ATRNL1: variants seen among roughly 807,000 people sequenced by gnomAD.
ATRNL1 encodes attractin-like protein 1.
Under a neutral mutation model 182.7 loss-of-function variants are expected in ATRNL1, and 95 were observed. That is an observed-to-expected ratio of 0.52 (90% CI 0.44 to 0.62). The LOEUF (loss-of-function observed/expected upper bound fraction) is 0.62. ATRNL1 is among the 20% of genes least tolerant of loss of function. The probability of loss-of-function intolerance (pLI) is 0.00; values close to 1 mark genes in which losing one functional copy is unlikely to be tolerated. For missense variants in ATRNL1, 1,471 were observed against 1,679.5 expected, an observed-to-expected ratio of 0.88 and a Z score of 2.17; for synonymous variants, 576 against 568.3, an observed-to-expected ratio of 1.01 and a Z score of -0.19.
At position 115,847,880 on chromosome 10, in the gene ATRNL1, G is replaced by C. The variant is rs782711043; in HGVS notation, c.3907G>C (p.Ala1303Pro). 1 of 1,595,190 alleles carries C rather than the reference G, an allele frequency of 6.3e-7. No homozygotes were observed. The highest frequency in any genetic ancestry group is 8.6e-7 in the Non-Finnish European group (1 of 1,163,484). ...TAAAGTGGGTTTTCTTTTTCAGGGG[G>C]CACCCAAGCCAATTGCCATTGAACC... ...TEFLRGPLEG[A>P]PKPIAIEPCA... The change falls in exon 28 of 29, where the codon GCA becomes CCA. Residue 1303 changes from alanine (A) to proline (P), a missense_variant. This residue lies in a region of ATRNL1 where 437 missense variants were observed against 506.0 expected (regional missense o/e 0.86). Transcript: ENST00000355044.
intron 26 of ATRNL1, among the ~76,000 whole-genome samples, chr10:115,689,310 A>G (rs370790981): frequency 6.6e-6 from 1 of 152,074 alleles, no homozygotes; most frequent in Non-Finnish European, 1.5e-5. Flanking sequence ...CTTGAGATGC[A>G]TCATTAGATT....
intron 8 of ATRNL1, among the ~76,000 whole-genome samples, chr10:115,203,572 G>A (rs933934680): frequency 1.4e-5 from 2 of 147,448 alleles, no homozygotes; most frequent in African/African-American, 5.0e-5. Context: ...ACTAGATTGG[G>A]CCACCTTTTT....
At chr10:115,887,242 G>C (rs920363851) in intron 28 of ATRNL1, among the ~76,000 whole-genome samples, 1 of 152,156 alleles carries the variant, frequency 6.6e-6, no homozygotes, top group African/African-American at 2.4e-5. Flanking sequence ...TGACCATCTC[G>C]AAGGTGCCCC....
chr10:115,373,203 G>T (rs968229857), intron 19 of ATRNL1, among the ~76,000 whole-genome samples: 1 of 151,824 alleles, frequency 6.6e-6, no homozygotes, highest in Non-Finnish European at 1.5e-5. Context: ...GCTGATTTTT[G>T]TATGTTCATT....
rs181267809 is a variant in ATRNL1 at position 115,775,883 on chromosome 10, G to A, written c.3903+48528G>A. 7.2e-3 allele frequency among the ~76,000 whole-genome samples: 1,094 copies of A among 151,376 alleles called. 14 individuals are homozygous for A. Among genetic ancestry groups the A allele is most frequent in the African/African-American group, 0.025 (1,029 of 41,204 alleles). On this transcript the variant is annotated intron_variant, in intron 27 of 28. Coordinates refer to ENST00000355044, the MANE Select transcript of ATRNL1 (RefSeq NM_207303.4). ...TGAGGCAGGAGAATTGCTTTAACCCGGGAGGCGGAGGTTGCAGTGAGCCGA... is the reference window on the plus strand; with the variant it reads ...TGAGGCAGGAGAATTGCTTTAACCCAGGAGGCGGAGGTTGCAGTGAGCCGA...
chr10:115,681,077 C>T (rs1174661298), intron 26 of ATRNL1, among the ~76,000 whole-genome samples: 2 of 152,022 alleles, frequency 1.3e-5, no homozygotes, highest in African/African-American at 4.8e-5. Context: ...ATTTACATTA[C>T]GTACCTCTTT....
chr10:115,732,744 T>C (rs1555063542), intron 27 of ATRNL1, among the ~76,000 whole-genome samples: 1 of 152,188 alleles, frequency 6.6e-6, no homozygotes, highest in Non-Finnish European at 1.5e-5. Context: ...CATTGCTTTT[T>C]ATATATGCTG....
Position 115,944,742 on chromosome 10 carries a change from G to A in ATRNL1, c.4103G>A (p.Arg1368Gln), listed in dbSNP as rs782128195. ...GATAAGACTTCTGGAGTCCGGAATC[G>A]AAAACACCTTTCAACACGTCAAGGA... ...SKDKTSGVRN[R>Q]KHLSTRQGTC... Residue 1368 changes from arginine to glutamine, a missense_variant, in exon 29 of 29, where the codon CGA becomes CAA. By Grantham distance (43) the Arg-to-Gln change is conservative. Transcript: ENST00000355044. The A allele has an allele frequency of 7.4e-6, 12 of 1,613,514 alleles. No individual in the cohort carries two copies. Among genetic ancestry groups the A allele is most frequent in the Admixed American group, 5.0e-5 (3 of 59,988 alleles).
chr10:115,786,448 G>A (rs1041128958), intron 27 of ATRNL1, among the ~76,000 whole-genome samples: 3 of 152,024 alleles, frequency 2.0e-5, no homozygotes, highest in African/African-American at 4.8e-5. Context: ...TCTACGTTCG[G>A]GTGGTTCCTG....
intron 26 of ATRNL1, among the ~76,000 whole-genome samples, chr10:115,668,797 A>C (rs1945596388): frequency 1.3e-5 from 2 of 152,112 alleles, no homozygotes; most frequent in Admixed American, 6.6e-5. Context: ...TACTACTCTC[A>C]TCAGTGCTTG....
At chr10:115,256,641 T>C (rs1327622129) in intron 10 of ATRNL1, among the ~76,000 whole-genome samples, 1 of 152,206 alleles carries the variant, frequency 6.6e-6, no homozygotes, top group African/African-American at 2.4e-5. Flanking sequence ...TCTCTTTCAC[T>C]TCTGCTCTGA....
At chr10:115,237,450 C>G (rs541067877) in intron 9 of ATRNL1, among the ~76,000 whole-genome samples, 2 of 152,296 alleles carry the variant, frequency 1.3e-5, no homozygotes, top group South Asian at 4.1e-4. Flanking sequence ...TGGTATTTCA[C>G]TGTTATTTTA....
chr10:115,795,859 G>C (rs1949642016), intron 27 of ATRNL1, among the ~76,000 whole-genome samples: 1 of 152,102 alleles, frequency 6.6e-6, no homozygotes, highest in Non-Finnish European at 1.5e-5. Context: ...AATTCAACGT[G>C]AGATTTGGGT....
At chr10:115,474,158 A>C (rs899367163) in intron 24 of ATRNL1, among the ~76,000 whole-genome samples, 1 of 151,388 alleles carries the variant, frequency 6.6e-6, no homozygotes, top group Non-Finnish European at 1.5e-5. Flanking sequence ...CCTAGTAGTC[A>C]TGAAGTTCTT....
intron 26 of ATRNL1, among the ~76,000 whole-genome samples, chr10:115,648,764 G>T (rs1859794919): frequency 1.3e-5 from 2 of 152,106 alleles, no homozygotes; most frequent in African/African-American, 4.8e-5. Flanking sequence ...ATTACTTTTG[G>T]TATTGTTTCA....
At chr10:115,667,760 G>C (rs1555040141) in intron 26 of ATRNL1, among the ~76,000 whole-genome samples, 1 of 151,780 alleles carries the variant, frequency 6.6e-6, no homozygotes, top group East Asian at 1.9e-4. Flanking sequence ...GGGCTCAAGT[G>C]ATCCTCCTAC....
chr10:115,563,993 C>A (rs1853921467), intron 26 of ATRNL1, among the ~76,000 whole-genome samples: 1 of 152,056 alleles, frequency 6.6e-6, no homozygotes, highest in African/African-American at 2.4e-5. Flanking sequence ...AGAATCACAT[C>A]TGTACTGGAA....
At chr10:115,385,829 T>C (rs146972439) in intron 19 of ATRNL1, among the ~76,000 whole-genome samples, 26 of 152,308 alleles carry the variant, frequency 1.7e-4, no homozygotes, top group African/African-American at 4.3e-4. Context: ...TCTTTTCTCA[T>C]TGAATTACTT....
At chr10:115,351,481 A>G (rs1352001373) in intron 19 of ATRNL1, among the ~76,000 whole-genome samples, 1 of 151,990 alleles carries the variant, frequency 6.6e-6, no homozygotes, top group Non-Finnish European at 1.5e-5. Context: ...AATTTCATTG[A>G]ATGCTTTTTC....
Sources: gnomAD v4.1 joint callset for allele counts (sites outside exome capture counted in the v4.1 genomes callset) on GRCh38, gnomAD v4.1.1 for gene constraint, gnomAD v4.1.1 regional missense constraint, MANE v1.5 for transcripts, NCBI Gene and HGNC (gene_info 2026-07-23, HGNC 2026-07-21) for gene names.